Variants in NEGR1 observed in about 807,000 individuals in gnomAD.
NEGR1 encodes IgLON family member 4.
Under a neutral mutation model 40.9 loss-of-function variants are expected in NEGR1, and 10 were observed. The observed-to-expected ratio is 0.24, with a 90% CI of 0.15 to 0.42. The LOEUF (loss-of-function observed/expected upper bound fraction) is 0.42, where lower values mean the gene tolerates loss of function less well. NEGR1 is among the 10% of genes least tolerant of loss of function. The pLI is 1.00. For missense variants in NEGR1, 352 were observed against 438.9 expected, an observed-to-expected ratio of 0.80 and a Z score of 1.77; for synonymous variants, 185 against 166.8, an observed-to-expected ratio of 1.11 and a Z score of -0.84.
At chr1:71,470,980 A>G (rs1156913233) in intron 6 of NEGR1, among the ~76,000 whole-genome samples, 1 of 152,058 alleles carries the variant, frequency 6.6e-6, no homozygotes, top group African/African-American at 2.4e-5. Flanking sequence ...ATTGCTAACA[A>G]CTTCCCAGCT....
intron 6 of NEGR1, among the ~76,000 whole-genome samples, chr1:71,528,651 T>C (rs1032023861): frequency 6.6e-6 from 1 of 151,294 alleles, no homozygotes; most frequent in African/African-American, 2.4e-5. Context: ...TTGTGGTGAA[T>C]TTAAATAATT....
At chr1:71,587,442 G>T (rs1367578870) in intron 6 of NEGR1, among the ~76,000 whole-genome samples, 2 of 111,222 alleles carry the variant, frequency 1.8e-5, no homozygotes, top group East Asian at 2.6e-4. Context: ...AGGCTGGGAA[G>T]AAATTTTCTC....
intron 6 of NEGR1, among the ~76,000 whole-genome samples, chr1:71,560,133 T>A (rs1648400532): frequency 1.3e-5 from 2 of 151,286 alleles, no homozygotes; most frequent in African/African-American, 4.8e-5. Context: ...AAAGTCATCG[T>A]TTATGAGAAC....
At position 72,099,315 on chromosome 1, in the gene NEGR1, T is replaced by C. The variant is rs191827039; in HGVS notation, c.177-164004A>G. 1.6e-3 allele frequency among the ~76,000 whole-genome samples: 241 copies of C among 152,130 alleles called. 3 individuals are homozygous for C. Among genetic ancestry groups the C allele is most frequent in the Non-Finnish European group, 4.0e-4 (27 of 67,902 alleles). On this transcript the variant is annotated intron_variant, in intron 1 of 6. Transcript: ENST00000357731. ...TACAATTGCTTTTCCTATCCTAGCT[T>C]ACATTCATTGTATATTTTAGTGTAT...
intron 4 of NEGR1, among the ~76,000 whole-genome samples, chr1:71,681,290 A>G (rs1652829322): frequency 6.6e-6 from 1 of 152,242 alleles, no homozygotes; most frequent in African/African-American, 2.4e-5. Context: ...CAATGCAAAC[A>G]TTTATGTCAA....
At chr1:71,609,122 T>C (rs760374423) in intron 5 of NEGR1, among the ~76,000 whole-genome samples, 1 of 152,106 alleles carries the variant, frequency 6.6e-6, no homozygotes, top group Non-Finnish European at 1.5e-5. Flanking sequence ...AGTAAAAACA[T>C]ATAAATTAGT....
chr1:72,198,090 G>A (rs1476266454), intron 1 of NEGR1, among the ~76,000 whole-genome samples: 1 of 151,996 alleles, frequency 6.6e-6, no homozygotes, highest in Non-Finnish European at 1.5e-5. Flanking sequence ...GAGGCTGCTG[G>A]TATTTCCCCA....
chr1:71,490,612 T>C (rs1646920382), intron 6 of NEGR1, among the ~76,000 whole-genome samples: 1 of 152,016 alleles, frequency 6.6e-6, no homozygotes, highest in Non-Finnish European at 1.5e-5. Flanking sequence ...AAAGAGCATG[T>C]GACTCAGTCT....
chr1:71,738,278 T>C, intron 3 of NEGR1: 1 of 243,318 alleles, frequency 4.1e-6, no homozygotes, highest in Non-Finnish European at 8.8e-6. Flanking sequence ...ACAGATGTCA[T>C]CAAGGCCTTG....
chr1:72,182,907 T>G (rs2100416218), intron 1 of NEGR1, among the ~76,000 whole-genome samples: 1 of 152,070 alleles, frequency 6.6e-6, no homozygotes, highest in South Asian at 2.1e-4. Flanking sequence ...ACTTCATATT[T>G]TCCTTAAAAT....
At chr1:71,837,036 T>C (rs1434673809) in intron 2 of NEGR1, 1 of 152,118 alleles carries the variant, frequency 6.6e-6, no homozygotes, top group Non-Finnish European at 1.5e-5. Flanking sequence ...ATTATTAGTA[T>C]GTGAAACAAC....
intron 6 of NEGR1, among the ~76,000 whole-genome samples, chr1:71,571,151 C>T (rs765919052): frequency 2.0e-5 from 3 of 152,134 alleles, no homozygotes; most frequent in Admixed American, 6.5e-5. Context: ...ACATTTTAGC[C>T]ATGAATAGCA....
At position 71,763,876 on chromosome 1, in the gene NEGR1, A is replaced by G. The variant is rs530210022; in HGVS notation, c.535+12296T>C. On this transcript the variant is annotated intron_variant, in intron 3 of 6. Transcript: ENST00000357731. ...TCATTATCTCCATCCCAATTTTAATATCTAGTTCCTAGAAGCCATGTAGGA... is the reference window on the plus strand; with the variant it reads ...TCATTATCTCCATCCCAATTTTAATGTCTAGTTCCTAGAAGCCATGTAGGA... Among the ~76,000 whole-genome samples the G allele has an allele frequency of 5.3e-5, 8 of 152,232 alleles. No homozygotes were observed. In the South Asian group the frequency reaches 1.2e-3, roughly 24 times the overall value.
At position 71,801,794 on chromosome 1, in the gene NEGR1, C is replaced by T. The variant is rs1042145794; in HGVS notation, c.410-25497G>A. 5.9e-5 allele frequency among the ~76,000 whole-genome samples: 9 copies of T among 152,116 alleles called. No individual in the cohort carries two copies. In the South Asian group the frequency reaches 8.3e-4, roughly 14 times the overall value. ...CCCAAACACTCCAATAGTTTCTTAT[C>T]TGTTATGTACTGCATTCTGTTGTTA... On this transcript the variant is annotated intron_variant, in intron 2 of 6. Transcript: ENST00000357731.
In NEGR1 at chr1:72,030,879, T is replaced by C. The variant is rs1346680343; in HGVS notation, c.177-95568A>G. 4.6e-5 allele frequency among the ~76,000 whole-genome samples: 7 copies of C among 152,248 alleles called. No individual in the cohort carries two copies. The South Asian group carries it at 1.0e-3, about 23-fold the overall frequency. The stretch of plus-strand genomic sequence containing the variant: ...TTCTTAGGAAAAAAGAAATTGAACT[T>C]ACACATGGAAAAAAAAACAACTGAA... On this transcript the variant is annotated intron_variant, in intron 1 of 6. Transcript: ENST00000357731.
intron 3 of NEGR1, among the ~76,000 whole-genome samples, chr1:71,756,407 C>CAAAAAAAAAAAAAAAAAAA (rs869043335): frequency 6.6e-5 from 3 of 45,738 alleles, no homozygotes; most frequent in East Asian, 1.7e-3. Flanking sequence ...AAAACAAAAA[C>CAAAAAAAAAAAAAAAAAAA]AAACAAAAAA....
rs1646267358 is a variant in NEGR1, at chr1:71,404,722, T to G, written c.*2724A>C. On this transcript the variant is annotated 3_prime_UTR_variant, in exon 7 of 7. Coordinates refer to ENST00000357731, the MANE Select transcript of NEGR1 (RefSeq NM_173808.3). ...GGGGCAACAAAAGGAGTCCCACAAG[T>G]GGAACTTGTAGAAAATATAATCCTG... 1 of 152,034 alleles carries G rather than the reference T, an allele frequency of 6.6e-6. No individual in the cohort carries two copies. The highest frequency in any genetic ancestry group is 2.1e-4 in the South Asian group (1 of 4,816). The allele number at this position is 152,034 out of a possible 1,614,324, so 9.4% of individuals were successfully genotyped here.
At chr1:71,593,852 T>C (rs1372476910) in intron 5 of NEGR1, among the ~76,000 whole-genome samples, 1 of 152,222 alleles carries the variant, frequency 6.6e-6, no homozygotes, top group African/African-American at 2.4e-5. Context: ...TTATCTCTCT[T>C]TTTCTAATTT....
chr1:71,875,392 T>A (rs1043939661), intron 2 of NEGR1, among the ~76,000 whole-genome samples: 1 of 152,160 alleles, frequency 6.6e-6, no homozygotes, highest in South Asian at 2.1e-4. Flanking sequence ...TACAGAATGA[T>A]CCTACTTCTC....
Sources: gnomAD v4.1 joint callset for allele counts (sites outside exome capture counted in the v4.1 genomes callset) on GRCh38, gnomAD v4.1.1 for gene constraint, MANE v1.5 for transcripts, NCBI Gene and HGNC (gene_info 2026-07-23, HGNC 2026-07-21) for gene names.